The following PTPRO variants were observed in gnomAD, a reference collection of about 807,000 sequenced individuals.
PTPRO encodes the protein receptor-type tyrosine-protein phosphatase O.
PTPRO carries 62 observed loss-of-function variants against 145.2 expected under a neutral mutation model. The observed-to-expected ratio is 0.43, with a 90% confidence interval of 0.35 to 0.53. The LOEUF (loss-of-function observed/expected upper bound fraction) is 0.53. Among genes scored for constraint, PTPRO ranks in the 20% least tolerant of loss-of-function variants. The pLI, the probability that PTPRO is intolerant of heterozygous loss-of-function variation, is 0.01. For synonymous variants in PTPRO, 565 were observed against 514.7 expected (o/e 1.10, Z -1.32); for missense variants, 1,345 against 1,482.7 (o/e 0.91, Z 1.53).
At chr12:15,448,173 C>A (rs959770260) in intron 1 of PTPRO, among the ~76,000 whole-genome samples, 4 of 151,760 alleles carry the variant, frequency 2.6e-5, no homozygotes, top group African/African-American at 9.7e-5. Flanking sequence ...ACATTACATA[C>A]ATATGTAATT....
chr12:15,385,884 T>TA (rs932950667), intron 1 of PTPRO, among the ~76,000 whole-genome samples: 5 of 150,514 alleles, frequency 3.3e-5, no homozygotes, highest in African/African-American at 1.2e-4. Context: ...ATAGATAGAT[T>TA]AAAAAAGAGA....
At chr12:15,500,743 GA>G (rs1300335538) in intron 4 of PTPRO, among the ~76,000 whole-genome samples, 1 of 152,086 alleles carries the variant, frequency 6.6e-6, no homozygotes, top group Non-Finnish European at 1.5e-5. Context: ...CCAACGTGGT[GA>G]AACCCCATCT....
At chr12:15,504,917 T>G (rs7136984) in intron 6 of PTPRO, among the ~76,000 whole-genome samples, 146,616 of 152,280 alleles carry the variant, frequency 0.96, 70,641 homozygotes, top group Middle Eastern at 1. Flanking sequence ...AAATATCCCA[T>G]ATAATATTTT....
At position 15,355,546 on chromosome 12, in the gene PTPRO, A is replaced by G. The variant is rs146489110; in HGVS notation, c.75+32745A>G. Reference sequence around the variant, plus strand: ...AGTGTTGGCCTTCACACACAAGATGAGACATGTGGAGATTAACTTTAATAT... The same window carrying G: ...AGTGTTGGCCTTCACACACAAGATGGGACATGTGGAGATTAACTTTAATAT... On this transcript the variant is annotated intron_variant, in intron 1 of 26. Transcript: ENST00000281171. 1.9e-4 allele frequency among the ~76,000 whole-genome samples: 29 copies of G among 152,344 alleles called. 1 individual carries two copies. In the East Asian group the frequency reaches 5.6e-3, roughly 29 times the overall value.
At chr12:15,520,096 A>C in intron 9 of PTPRO, 105 bp from the exon 10 acceptor site, 1 of 732,426 alleles carries the variant, frequency 1.4e-6, no homozygotes, top group Admixed American at 2.0e-5. Flanking sequence ...GACAATATAA[A>C]GGAAAATTAA....
chr12:15,362,588 T>A (rs767224693), intron 1 of PTPRO, among the ~76,000 whole-genome samples: 14 of 152,132 alleles, frequency 9.2e-5, no homozygotes, highest in Non-Finnish European at 1.6e-4. Context: ...AGTTAATGTA[T>A]CTTATTATTA....
At chr12:15,355,392 T>C (rs1035172397) in intron 1 of PTPRO, among the ~76,000 whole-genome samples, 1 of 152,156 alleles carries the variant, frequency 6.6e-6, no homozygotes, top group Non-Finnish European at 1.5e-5. Context: ...CTTAGTCAGG[T>C]GCCTTGGCTG....
At chr12:15,474,279 GC>G (rs1188206630) in intron 1 of PTPRO, among the ~76,000 whole-genome samples, 5 of 152,258 alleles carry the variant, frequency 3.3e-5, no homozygotes, top group African/African-American at 1.2e-4. Context: ...TTGCCCCGCA[GC>G]CCAGGAACTC....
intron 1 of PTPRO, among the ~76,000 whole-genome samples, chr12:15,424,525 C>G (rs1053833665): frequency 1.3e-5 from 2 of 151,970 alleles, no homozygotes; most frequent in Non-Finnish European, 2.9e-5. Flanking sequence ...TGGCCTGGAT[C>G]GTTTAGGAGC....
chr12:15,556,771 T>C (rs1019165638), intron 15 of PTPRO, among the ~76,000 whole-genome samples: 1 of 152,104 alleles, frequency 6.6e-6, no homozygotes, highest in Non-Finnish European at 1.5e-5. Flanking sequence ...AGATGGAAAA[T>C]GCTCAGTTCA....
At chr12:15,379,099 GC>G (rs1475352475) in intron 1 of PTPRO, among the ~76,000 whole-genome samples, 2 of 152,026 alleles carry the variant, frequency 1.3e-5, no homozygotes, top group Non-Finnish European at 2.9e-5. Flanking sequence ...AAATAGTATG[GC>G]CACTTCAGAA....
At chr12:15,506,193 C>A (rs1942317546) in intron 6 of PTPRO, among the ~76,000 whole-genome samples, 1 of 152,216 alleles carries the variant, frequency 6.6e-6, no homozygotes, top group Non-Finnish European at 1.5e-5. Context: ...CCCCACTACA[C>A]TAGTACTCTT....
At chr12:15,522,685 G>C (rs1942750020) in intron 10 of PTPRO, among the ~76,000 whole-genome samples, 1 of 152,124 alleles carries the variant, frequency 6.6e-6, no homozygotes, top group Admixed American at 6.5e-5. Flanking sequence ...AGGAACTCAA[G>C]TCTACCATCT....
At chr12:15,513,825 G>T (rs906264485) in intron 7 of PTPRO, among the ~76,000 whole-genome samples, 2 of 152,040 alleles carry the variant, frequency 1.3e-5, no homozygotes, top group African/African-American at 4.8e-5. Context: ...ACTCTATGAG[G>T]TATATAATTT....
intron 1 of PTPRO, among the ~76,000 whole-genome samples, chr12:15,395,490 C>G (rs1939310974): frequency 6.6e-6 from 1 of 151,940 alleles, no homozygotes; most frequent in Non-Finnish European, 1.5e-5. Context: ...AGTCTCCATT[C>G]TTCTAATTAG....
At chr12:15,333,961 T>C (rs976553248) in intron 1 of PTPRO, among the ~76,000 whole-genome samples, 2 of 152,184 alleles carry the variant, frequency 1.3e-5, no homozygotes, top group African/African-American at 2.4e-5. Flanking sequence ...ATTTACTTAC[T>C]TATAAAAAGT....
chr12:15,493,762 C>T (rs187392876), intron 2 of PTPRO, among the ~76,000 whole-genome samples: 1 of 152,274 alleles, frequency 6.6e-6, no homozygotes, highest in African/African-American at 2.4e-5. Context: ...GACTATCTGA[C>T]ACAGATGATG....
chr12:15,513,108 A>AAAGG lies in PTPRO; in HGVS notation c.1465-2358_1465-2355dup, dbSNP rs368163582. 3.5e-4 allele frequency among the ~76,000 whole-genome samples: 18 copies of AAAGG among 50,922 alleles called. 1 individual carries two copies. Among genetic ancestry groups the AAAGG allele is most frequent in the African/African-American group, 1.3e-3 (16 of 12,124 alleles). The allele number at this position is 50,922 out of a possible 152,430, so 33.4% of individuals were successfully genotyped here. ...AGAAAGAAAGAAGAAAGAAAGAAAG[A>AAAGG]AAGGAAGGAAGGAAGGAAGGAAGGA... On this transcript the variant is annotated intron_variant, in intron 7 of 26. Coordinates refer to ENST00000281171, the MANE Select transcript of PTPRO (RefSeq NM_030667.3).
chr12:15,503,756 T>C, intron 5 of PTPRO, 152 bp from the exon 6 acceptor site: 3 of 614,068 alleles, frequency 4.9e-6, no homozygotes, highest in Non-Finnish European at 8.5e-6. Flanking sequence ...TATTATTCTT[T>C]AATGGTACCT....
Sources: allele counts gnomAD v4.1 joint callset (sites outside exome capture counted in the v4.1 genomes callset), GRCh38; gene constraint gnomAD v4.1.1; transcripts MANE v1.5; gene names NCBI Gene and HGNC (gene_info 2026-07-23, HGNC 2026-07-21).